Variants in KCNIP3 observed in about 807,000 individuals in gnomAD.
KCNIP3 encodes the protein calsenilin.
KCNIP3 carries 28 observed loss-of-function variants against 35.0 expected under a neutral mutation model. That is an observed-to-expected ratio of 0.80 (90% confidence interval 0.59 to 1.10). The LOEUF is 1.10. Among genes scored for constraint, KCNIP3 ranks in the 50% least tolerant of loss-of-function variants. KCNIP3 has a pLI of 0.00. For missense variants in KCNIP3, 295 were observed against 338.4 expected (o/e 0.87, Z 1.01); for synonymous variants, 134 against 133.8 (o/e 1.00, Z -0.01).
At chr2:95,355,680 C>A (rs1401847137) in intron 2 of KCNIP3, among the ~76,000 whole-genome samples, 1 of 152,122 alleles carries the variant, frequency 6.6e-6, no homozygotes, top group African/African-American at 2.4e-5. Context: ...TGAACTCATC[C>A]TTTTTTATGG....
chr2:95,326,325 AAC>A (rs1473679003), intron 2 of KCNIP3, among the ~76,000 whole-genome samples: 2 of 152,062 alleles, frequency 1.3e-5, no homozygotes, highest in African/African-American at 4.8e-5. Context: ...CACACGTGTA[AAC>A]ACATATACTC....
At chr2:95,320,926 C>G (rs1233029946) in intron 2 of KCNIP3, among the ~76,000 whole-genome samples, 1 of 137,270 alleles carries the variant, frequency 7.3e-6, no homozygotes, top group African/African-American at 2.7e-5. Context: ...CCTGCCCCCC[C>G]AGCCTTCCCT....
intron 2 of KCNIP3, among the ~76,000 whole-genome samples, chr2:95,367,047 A>G (rs2104291931): frequency 6.6e-6 from 1 of 152,202 alleles, no homozygotes; most frequent in African/African-American, 2.4e-5. Flanking sequence ...CGGATCACTC[A>G]GGAACTCCTG....
intron 1 of KCNIP3, among the ~76,000 whole-genome samples, chr2:95,308,105 TGC>T (rs1352060127): frequency 8.6e-5 from 13 of 151,990 alleles, no homozygotes; most frequent in South Asian, 2.1e-4. Flanking sequence ...TGCATGTGTG[TGC>T]GTGTGTGTGC....
intron 2 of KCNIP3, among the ~76,000 whole-genome samples, chr2:95,349,120 C>T (rs929338149): frequency 2.6e-4 from 40 of 152,096 alleles, no homozygotes; most frequent in Non-Finnish European, 5.9e-5. Context: ...GGGAGGGCGT[C>T]GTGAGTTCCA....
chr2:95,299,311 G>A (rs559625599), intron 1 of KCNIP3, among the ~76,000 whole-genome samples: 10 of 152,294 alleles, frequency 6.6e-5, no homozygotes, highest in African/African-American at 2.4e-4. Flanking sequence ...CCACCATTAG[G>A]TTTCTCATCA....
At chr2:95,374,228 C>T in intron 2 of KCNIP3, 68 bp from the exon 3 acceptor site, 2 of 1,576,930 alleles carry the variant, frequency 1.3e-6, no homozygotes, top group East Asian at 2.2e-5. Flanking sequence ...CATGCCCTGG[C>T]CACACTGGAG....
chr2:95,307,799 C>T lies in KCNIP3; in HGVS notation c.16-2556C>T, dbSNP rs1678214162. Among the ~76,000 whole-genome samples the T allele has an allele frequency of 2.0e-5, 3 of 152,214 alleles. No individual in the cohort carries two copies. The South Asian group carries it at 6.2e-4, about 31-fold the overall frequency. ...CAGTGAAGAGCTCCTGCCAGGGGCT[C>T]CGAGGCCGCCTCAGTTTCTTCTGAT... is the stretch of plus-strand genomic sequence containing the variant. On this transcript the variant is annotated intron_variant, in intron 1 of 8. Transcript: ENST00000295225.
intron 2 of KCNIP3, among the ~76,000 whole-genome samples, chr2:95,339,696 G>A (rs900022183): frequency 6.6e-6 from 1 of 152,164 alleles, no homozygotes; most frequent in African/African-American, 2.4e-5. Context: ...TGGTCCAAAA[G>A]CAATTGGCTT....
chr2:95,376,006 C>T lies in KCNIP3; in HGVS notation c.447+798C>T, dbSNP rs911779457. On this transcript the variant is annotated intron_variant, in intron 5 of 8. Coordinates refer to ENST00000295225, the MANE Select transcript of KCNIP3 (RefSeq NM_013434.5). This position sits in a 1 kb window ranked among gnomAD's most constrained non-coding sequence, Gnocchi z 4.2. ...GCCACACGGGGTAATAATAACTTGT[C>T]GATAAGCTGCGCGGGTTATTTTTAT... Among the ~76,000 whole-genome samples, 22 of 152,320 alleles carry T rather than the reference C, an allele frequency of 1.4e-4. No homozygotes were observed. The highest frequency in any genetic ancestry group is 4.3e-4 in the African/African-American group (18 of 41,572).
intron 2 of KCNIP3, among the ~76,000 whole-genome samples, chr2:95,346,188 G>C (rs1206974198): frequency 2.6e-5 from 4 of 152,182 alleles, no homozygotes; most frequent in Admixed American, 1.3e-4. Flanking sequence ...CGGGGTTGCG[G>C]GAAATGCGCC....
At chr2:95,349,910 C>T (rs749982907) in intron 2 of KCNIP3, among the ~76,000 whole-genome samples, 1 of 152,272 alleles carries the variant, frequency 6.6e-6, no homozygotes, top group African/African-American at 2.4e-5. Context: ...GACCTGGACC[C>T]TGTAGGGCTG....
chr2:95,346,968 C>A, intron 2 of KCNIP3: 1 of 1,403,454 alleles, frequency 7.1e-7, no homozygotes, highest in Non-Finnish European at 9.7e-7. Flanking sequence ...CGAGGCAGCG[C>A]GTGGGCGAGG....
At chr2:95,306,972 C>G (rs997654818) in intron 1 of KCNIP3, among the ~76,000 whole-genome samples, 5 of 152,254 alleles carry the variant, frequency 3.3e-5, no homozygotes, top group African/African-American at 9.6e-5. Flanking sequence ...TCCCCAGCAG[C>G]CTGAGGGCCC....
intron 1 of KCNIP3, among the ~76,000 whole-genome samples, chr2:95,309,788 G>T (rs915632213): frequency 7.9e-5 from 12 of 152,146 alleles, no homozygotes; most frequent in African/African-American, 2.9e-4. Context: ...CCCATAGCTG[G>T]AGCTGTTTCT....
intron 2 of KCNIP3, among the ~76,000 whole-genome samples, chr2:95,361,880 C>A (rs1679807790): frequency 6.6e-6 from 1 of 152,176 alleles, no homozygotes; most frequent in Admixed American, 6.5e-5. Flanking sequence ...ATGTCTTAGT[C>A]TTCTCTGGCT....
At position 95,325,798 on chromosome 2, in the gene KCNIP3, CACACATACACTCATACACACAT is replaced by C. The variant is rs1445869162; in HGVS notation, c.181+15299_181+15320del. Among the ~76,000 whole-genome samples the C allele has an allele frequency of 7.5e-4, 114 of 151,494 alleles. 3 individuals are homozygous for C. The South Asian group carries it at 0.02, about 27-fold the overall frequency. ...ATACACACACTCATACACACTCATA[CACACATACACTCATACACACAT>C]ACACATACACTCATACACACTCATA... On this transcript the variant is annotated intron_variant, in intron 2 of 8. Coordinates refer to ENST00000295225, the MANE Select transcript of KCNIP3 (RefSeq NM_013434.5).
intron 6 of KCNIP3, among the ~76,000 whole-genome samples, chr2:95,381,978 G>A (rs867122478): frequency 7.9e-5 from 12 of 152,168 alleles, no homozygotes; most frequent in Admixed American, 1.3e-4. Context: ...AAAAGGCCTC[G>A]GGGAGATTTA....
At chr2:95,326,234 T>C (rs140714144) in intron 2 of KCNIP3, among the ~76,000 whole-genome samples, 152 of 129,700 alleles carry the variant, frequency 1.2e-3, no homozygotes, top group African/African-American at 4.6e-3. Context: ...CACATACACA[T>C]ACACACACAC....
Sources: gnomAD v4.1 joint callset for allele counts (sites outside exome capture counted in the v4.1 genomes callset) on GRCh38, gnomAD v4.1.1 for gene constraint, Gnocchi (gnomAD v3.1) non-coding constraint, MANE v1.5 for transcripts, NCBI Gene and HGNC (gene_info 2026-07-23, HGNC 2026-07-21) for gene names.